STPG4: variants seen among roughly 807,000 people sequenced by gnomAD.
The protein encoded by STPG4 is sperm-tail PG-rich repeat containing 4.
In STPG4, 41 loss-of-function variants were observed where a neutral mutation model predicts 31.5. That is an observed-to-expected ratio of 1.30 (90% confidence interval 1.01 to 1.69). STPG4 has a LOEUF of 1.69. STPG4 is among the 40% of genes most tolerant of loss of function. STPG4 has a pLI of 0.00. For missense variants in STPG4, 375 were observed against 293.4 expected, an observed-to-expected ratio of 1.28 and a Z score of -2.03; for synonymous variants, 141 against 103.0, an observed-to-expected ratio of 1.37 and a Z score of -2.24.
intron 5 of STPG4, among the ~76,000 whole-genome samples, chr2:47,123,414 G>C (rs866067388): frequency 5.9e-5 from 9 of 152,280 alleles, no homozygotes; most frequent in Middle Eastern, 6.8e-3. Flanking sequence ...AGGTATACAG[G>C]AAAGAAATCC....
intron 5 of STPG4, among the ~76,000 whole-genome samples, chr2:47,110,854 C>T (rs920184776): frequency 1.2e-4 from 18 of 152,208 alleles, no homozygotes; most frequent in African/African-American, 3.9e-4. Context: ...AAATGGCTGC[C>T]AAATATTTTT....
intron 5 of STPG4, among the ~76,000 whole-genome samples, chr2:47,102,054 A>G (rs77013279): frequency 0.055 from 8,327 of 151,836 alleles, 416 homozygotes; most frequent in African/African-American, 0.11. Flanking sequence ...CACTAAATCC[A>G]ACCTTCTTTG....
At chr2:47,126,506 T>C (rs953086442) in intron 5 of STPG4, among the ~76,000 whole-genome samples, 1 of 152,110 alleles carries the variant, frequency 6.6e-6, no homozygotes, top group African/African-American at 2.4e-5. Context: ...TTTAAATTTT[T>C]TGTAGAGATG....
At chr2:47,089,853 G>T (rs756345104) in intron 6 of STPG4, among the ~76,000 whole-genome samples, 11 of 152,064 alleles carry the variant, frequency 7.2e-5, no homozygotes, top group Non-Finnish European at 1.5e-4. Context: ...TCCCATTTGG[G>T]TCAATAAAAA....
intron 5 of STPG4, among the ~76,000 whole-genome samples, chr2:47,124,688 A>C (rs977475315): frequency 2.0e-5 from 3 of 152,192 alleles, no homozygotes; most frequent in Admixed American, 1.3e-4. Context: ...ATGTACACTA[A>C]GGTTGCTTCC....
chr2:47,129,838 G>A lies in STPG4; in HGVS notation c.519+103C>T, dbSNP rs577239633. ...TAATGGTGTTCCTGCTAGGGGGAAC[G>A]ATCACTGGAGGGTTCTATGTGGCCA... is the stretch of plus-strand genomic sequence containing the variant. On this transcript the variant is annotated intron_variant, in intron 5 of 6. Coordinates refer to ENST00000445927, the MANE Select transcript of STPG4 (RefSeq NM_001163561.2). 3.2e-5 allele frequency: 46 copies of A among 1,423,032 alleles called. No individual in the cohort carries two copies. In the South Asian group the frequency reaches 5.1e-4, roughly 16 times the overall value. The allele number at this position is 1,423,032 out of a possible 1,614,324, so 88.2% of individuals were successfully genotyped here.
chr2:47,138,270 C>T (rs1686636880), intron 3 of STPG4, among the ~76,000 whole-genome samples: 1 of 152,138 alleles, frequency 6.6e-6, no homozygotes, highest in African/African-American at 2.4e-5. Context: ...GTTGTTTAAT[C>T]TCCACATATT....
intron 5 of STPG4, among the ~76,000 whole-genome samples, chr2:47,091,534 C>T (rs909716645): frequency 2.6e-5 from 4 of 152,036 alleles, no homozygotes; most frequent in African/African-American, 9.7e-5. Context: ...GGTTCCTTGC[C>T]TCAGGAGTGG....
At position 47,151,210 on chromosome 2, in the gene STPG4, G is replaced by T. The variant is rs1375208580; in HGVS notation, c.399+48C>A. ...ACGTATAAAAATACTTTCCTCAGGG[G>T]CTCTTAGTAGCTTTCCCACACAAAG... On this transcript the variant is annotated intron_variant, in intron 3 of 6. Coordinates refer to ENST00000445927, the MANE Select transcript of STPG4 (RefSeq NM_001163561.2). The T allele has an allele frequency of 2.5e-6, 4 of 1,601,620 alleles. No homozygotes were observed. In the African/African-American group the frequency reaches 4.0e-5, roughly 16 times the overall value.
chr2:47,097,056 G>C (rs948058335), intron 5 of STPG4, among the ~76,000 whole-genome samples: 15 of 152,150 alleles, frequency 9.9e-5, no homozygotes, highest in African/African-American at 3.4e-4. Flanking sequence ...TGGACAGGGA[G>C]GGAGGGATAT....
intron 5 of STPG4, among the ~76,000 whole-genome samples, chr2:47,117,424 G>T (rs1244647208): frequency 6.6e-6 from 1 of 152,124 alleles, no homozygotes. Flanking sequence ...GGTCAGGCTG[G>T]TCTTGAACTC....
rs531091451 is a variant in STPG4 at position 47,143,635 on chromosome 2, G to A, written c.399+7623C>T. Among the ~76,000 whole-genome samples, 121 of 152,016 alleles carry A rather than the reference G, an allele frequency of 8.0e-4. 1 individual carries two copies. The highest frequency in any genetic ancestry group is 2.1e-3 in the Admixed American group (32 of 15,252). On this transcript the variant is annotated intron_variant, in intron 3 of 6. Coordinates refer to ENST00000445927, the MANE Select transcript of STPG4 (RefSeq NM_001163561.2). ...CGAATAGCTGGGACTATAGGCGTGC[G>A]CCACCACGCCCGGCTAATTTTTTTT...
At chr2:47,150,733 C>T (rs1686917876) in intron 3 of STPG4, among the ~76,000 whole-genome samples, 2 of 151,822 alleles carry the variant, frequency 1.3e-5, no homozygotes, top group Admixed American at 6.6e-5. Context: ...GATCCTCCCA[C>T]CTCAGCTTCC....
intron 4 of STPG4, 60 bp downstream of exon 4, chr2:47,130,136 G>T (rs1039445585): frequency 1.2e-5 from 18 of 1,515,604 alleles, no homozygotes; most frequent in Non-Finnish European, 1.5e-5. Context: ...TAAAAGCCAG[G>T]AGTATTGGCG....
At chr2:47,103,401 C>T (rs948081634) in intron 5 of STPG4, among the ~76,000 whole-genome samples, 2 of 151,812 alleles carry the variant, frequency 1.3e-5, no homozygotes, top group African/African-American at 4.9e-5. Context: ...CAAAAGCAAG[C>T]CCTGGGCCCT....
At chr2:47,107,648 A>G (rs1685944195) in intron 5 of STPG4, among the ~76,000 whole-genome samples, 1 of 152,122 alleles carries the variant, frequency 6.6e-6, no homozygotes, top group South Asian at 2.1e-4. Flanking sequence ...TCGACACCCA[A>G]GGGCTGAGGA....
At chr2:47,150,694 G>A (rs72810415) in intron 3 of STPG4, among the ~76,000 whole-genome samples, 22,577 of 150,158 alleles carry the variant, frequency 0.15, 2,113 homozygotes, top group African/African-American at 0.25. Context: ...TATATTGCCC[G>A]GGCTGATCTA....
Position 47,091,026 on chromosome 2 carries a change from A to G in STPG4, c.520-652T>C, listed in dbSNP as rs1174327663. ...ATAACCAAATACATTCTAATTTAAA[A>G]AACAAACTTCCTTTTTTTCCCACGG... On this transcript the variant is annotated intron_variant, in intron 5 of 6. Transcript: ENST00000445927. Among the ~76,000 whole-genome samples the G allele has an allele frequency of 7.9e-5, 12 of 152,308 alleles. No homozygotes were observed. The East Asian group carries it at 2.3e-3, about 29-fold the overall frequency.
intron 5 of STPG4, among the ~76,000 whole-genome samples, chr2:47,125,972 A>G (rs997623458): frequency 6.6e-6 from 1 of 152,204 alleles, no homozygotes. Flanking sequence ...CATTTATTGA[A>G]GAGACTGTCC....
Sources: gnomAD v4.1 joint callset for allele counts (sites outside exome capture counted in the v4.1 genomes callset) on GRCh38, gnomAD v4.1.1 for gene constraint, MANE v1.5 for transcripts, NCBI Gene and HGNC (gene_info 2026-07-23, HGNC 2026-07-21) for gene names.